The following CSMD2 variants were observed in gnomAD, a reference collection of about 807,000 sequenced individuals.
The protein encoded by CSMD2 is CUB and sushi domain-containing protein 2.
A neutral mutation model predicts 398.5 loss-of-function variants in CSMD2; 130 were observed. The ratio of observed to expected loss-of-function variants is 0.33; its 90% confidence interval spans 0.28 to 0.38. The LOEUF (loss-of-function observed/expected upper bound fraction) is 0.38, where lower values mean the gene tolerates loss of function less well. CSMD2 is among the 10% of genes least tolerant of loss of function. The pLI is 1.00. For missense variants in CSMD2, 3,829 were observed against 4,764.9 expected (o/e 0.80, Z 5.78); for synonymous variants, 1,828 against 1,908.5 (o/e 0.96, Z 1.10).
intron 15 of CSMD2, among the ~76,000 whole-genome samples, chr1:33,731,387 A>G (rs900782866): frequency 6.6e-5 from 10 of 152,274 alleles, no homozygotes; most frequent in African/African-American, 2.4e-4. Flanking sequence ...CCCAAAAGAG[A>G]GATACCCAAA....
chr1:33,968,565 G>T (rs1454711457), intron 3 of CSMD2, among the ~76,000 whole-genome samples: 1 of 152,236 alleles, frequency 6.6e-6, no homozygotes, highest in Non-Finnish European at 1.5e-5. Context: ...ATGTGGCAAG[G>T]AATTGAAGTT....
At chr1:33,626,445 C>A in intron 33 of CSMD2, 41 bp downstream of exon 33, 2 of 1,437,628 alleles carry the variant, frequency 1.4e-6, no homozygotes, top group South Asian at 1.3e-5. Context: ...CCTTAAGAAC[C>A]GAGATCACCT....
At chr1:33,852,549 T>A (rs894033677) in intron 5 of CSMD2, among the ~76,000 whole-genome samples, 2 of 152,220 alleles carry the variant, frequency 1.3e-5, no homozygotes, top group Non-Finnish European at 2.9e-5. Flanking sequence ...ATATCACTGA[T>A]CCTATAAACC....
intron 14 of CSMD2, among the ~76,000 whole-genome samples, chr1:33,742,403 C>T (rs1028653166): frequency 1.3e-5 from 2 of 152,188 alleles, no homozygotes; most frequent in Non-Finnish European, 1.5e-5. Context: ...TGGGGACTCG[C>T]CCTTCACAAG....
intron 1 of CSMD2, among the ~76,000 whole-genome samples, chr1:34,131,796 C>T (rs1323718282): frequency 6.6e-6 from 1 of 152,166 alleles, no homozygotes; most frequent in East Asian, 1.9e-4. Flanking sequence ...CTTCTGCCTC[C>T]CATCCAGTGG....
rs546755055 is a variant in CSMD2 at position 34,115,830 on chromosome 1, G to A, written c.188-26637C>T. 5.3e-5 allele frequency among the ~76,000 whole-genome samples: 8 copies of A among 151,950 alleles called. No homozygotes were observed. The South Asian group carries it at 1.7e-3, about 32-fold the overall frequency. ...ATACAAAGTGTGTAGGGAGAAAGAA[G>A]GTGTAATAGCGTGAAGTTTTTATAT... On this transcript the variant is annotated intron_variant, in intron 1 of 70. Coordinates refer to ENST00000373381, the MANE Select transcript of CSMD2 (RefSeq NM_001281956.2).
At chr1:33,746,448 A>G (rs1647396773) in intron 13 of CSMD2, among the ~76,000 whole-genome samples, 1 of 152,168 alleles carries the variant, frequency 6.6e-6, no homozygotes, top group Non-Finnish European at 1.5e-5. Flanking sequence ...TATTTAATTA[A>G]TAAGGCCTGA....
intron 62 of CSMD2, among the ~76,000 whole-genome samples, chr1:33,534,772 G>T (rs142663118): frequency 6.6e-6 from 1 of 152,144 alleles, no homozygotes; most frequent in Non-Finnish European, 1.5e-5. Flanking sequence ...TTAGCAAATG[G>T]CACCTTTATC....
chr1:33,829,345 T>C (rs1659200813), intron 6 of CSMD2, among the ~76,000 whole-genome samples: 1 of 152,246 alleles, frequency 6.6e-6, no homozygotes, highest in African/African-American at 2.4e-5. Context: ...ATTAGCATTT[T>C]TTTTTAGATT....
intron 2 of CSMD2, among the ~76,000 whole-genome samples, chr1:34,086,029 AAAAAAAG>A (rs1197599655): frequency 1.3e-5 from 2 of 151,536 alleles, no homozygotes; most frequent in African/African-American, 2.4e-5. Context: ...GGAAAAAAAA[AAAAAAAG>A]AAAGAAAGAA....
chr1:33,918,615 A>G (rs1401598486), intron 4 of CSMD2, among the ~76,000 whole-genome samples: 1 of 152,232 alleles, frequency 6.6e-6, no homozygotes, highest in African/African-American at 2.4e-5. Context: ...AGGCATGTCT[A>G]AGATAAACAG....
intron 5 of CSMD2, among the ~76,000 whole-genome samples, chr1:33,910,238 G>A (rs1643373961): frequency 6.6e-6 from 1 of 152,206 alleles, no homozygotes; most frequent in Admixed American, 6.5e-5. Context: ...ACAAGGGGCA[G>A]GGTTCTTGCT....
chr1:33,862,582 G>C (rs960518707), intron 5 of CSMD2: 4 of 152,156 alleles, frequency 2.6e-5, no homozygotes, highest in African/African-American at 9.7e-5. Flanking sequence ...GGCTACCTAG[G>C]CTGAGAAGTG....
At chr1:33,783,612 G>A (rs574552936) in intron 12 of CSMD2, among the ~76,000 whole-genome samples, 1 of 152,184 alleles carries the variant, frequency 6.6e-6, no homozygotes, top group South Asian at 2.1e-4. Flanking sequence ...TCTAGAACTG[G>A]GAGAAAACGG....
chr1:34,154,421 A>G (rs1640613319), intron 1 of CSMD2, among the ~76,000 whole-genome samples: 3 of 152,192 alleles, frequency 2.0e-5, no homozygotes, highest in Admixed American at 2.0e-4. Flanking sequence ...CAGGGTCCCA[A>G]ATGGGAATGT....
intron 5 of CSMD2, among the ~76,000 whole-genome samples, chr1:33,892,004 C>A (rs945035654): frequency 2.7e-5 from 4 of 150,086 alleles, no homozygotes; most frequent in Non-Finnish European, 5.9e-5. Context: ...ACATATGTAA[C>A]TAACCTGCAC....
chr1:33,689,002 G>C (rs953336543), intron 25 of CSMD2, among the ~76,000 whole-genome samples: 4 of 151,664 alleles, frequency 2.6e-5, no homozygotes, highest in African/African-American at 9.7e-5. Flanking sequence ...TGTGTGTTGG[G>C]GGTTGAGGCG....
At chr1:33,654,456 C>T (rs1017773798) in intron 27 of CSMD2, among the ~76,000 whole-genome samples, 4 of 152,150 alleles carry the variant, frequency 2.6e-5, no homozygotes, top group Admixed American at 2.6e-4. Flanking sequence ...GTGCTTCTCC[C>T]CGCTGGCCAG....
chr1:33,652,019 C>G (rs1338335439), intron 28 of CSMD2, among the ~76,000 whole-genome samples: 2 of 152,034 alleles, frequency 1.3e-5, no homozygotes, highest in African/African-American at 4.8e-5. Flanking sequence ...GAGGGCAGGG[C>G]AAGGGCATCC....
Sources: gnomAD v4.1 joint callset for allele counts (sites outside exome capture counted in the v4.1 genomes callset) on GRCh38, gnomAD v4.1.1 for gene constraint, MANE v1.5 for transcripts, NCBI Gene and HGNC (gene_info 2026-07-23, HGNC 2026-07-21) for gene names.